Variants in TMEM242 observed in about 807,000 individuals in gnomAD.
The protein encoded by TMEM242 is transmembrane protein 242.
In TMEM242, 10 loss-of-function variants were observed where a neutral mutation model predicts 18.2. The ratio of observed to expected loss-of-function variants is 0.55; its 90% CI spans 0.34 to 0.93. TMEM242 has a LOEUF of 0.93. TMEM242 is among the 40% of genes least tolerant of loss of function. TMEM242 has a pLI of 0.02. For missense variants in TMEM242, 186 were observed against 175.5 expected (o/e 1.06, Z -0.34); for synonymous variants, 57 against 69.9 (o/e 0.81, Z 0.92).
intron 3 of TMEM242, among the ~76,000 whole-genome samples, chr6:157,311,283 C>T (rs1554248712): frequency 7.0e-6 from 1 of 143,492 alleles, no homozygotes; most frequent in Non-Finnish European, 1.5e-5. Context: ...CCCCCGTGTG[C>T]ACACACCGAG....
At chr6:157,312,529 AGTGT>A (rs2128416041) in intron 3 of TMEM242, among the ~76,000 whole-genome samples, 1 of 145,824 alleles carries the variant, frequency 6.9e-6, no homozygotes, top group East Asian at 2.0e-4. Context: ...ATACCGCCCC[AGTGT>A]GCACTCAGCT....
intron 3 of TMEM242, among the ~76,000 whole-genome samples, chr6:157,298,042 T>C (rs587645914): frequency 6.6e-6 from 1 of 152,314 alleles, no homozygotes; most frequent in Non-Finnish European, 1.5e-5. Flanking sequence ...CCCTGAAGTA[T>C]GCATCAAAAT....
At chr6:157,322,599 T>A (rs970071660) in intron 2 of TMEM242, 106 bp downstream of exon 2, 3 of 911,046 alleles carry the variant, frequency 3.3e-6, no homozygotes, top group Non-Finnish European at 1.7e-6. Context: ...TAAATTCACA[T>A]CTTAAAGCAA....
intron 3 of TMEM242, among the ~76,000 whole-genome samples, chr6:157,309,719 G>T (rs1777966552): frequency 6.6e-6 from 1 of 151,864 alleles, no homozygotes; most frequent in Non-Finnish European, 1.5e-5. Flanking sequence ...TGGCAAAGGG[G>T]TAAAAAAACA....
chr6:157,312,356 TGTCCCAGTGTGC>T (rs1778175382), intron 3 of TMEM242, among the ~76,000 whole-genome samples: 1 of 28,936 alleles, frequency 3.5e-5, no homozygotes, highest in Admixed American at 3.4e-4. Flanking sequence ...AGCCTCATCA[TGTCCCAGTGTGC>T]ACTCACCTGC....
intron 3 of TMEM242, among the ~76,000 whole-genome samples, chr6:157,307,578 C>CTCTG (rs1777932225): frequency 2.6e-5 from 4 of 152,144 alleles, no homozygotes; most frequent in African/African-American, 4.8e-5. Flanking sequence ...ACTGCTTGTC[C>CTCTG]ACATATGCAT....
intron 3 of TMEM242, among the ~76,000 whole-genome samples, chr6:157,297,208 G>A (rs587609821): frequency 6.6e-6 from 1 of 152,318 alleles, no homozygotes; most frequent in Admixed American, 6.5e-5. Flanking sequence ...TGTGCTCAGT[G>A]CCATGGCTGG....
chr6:157,310,953 C>T (rs1778029866), intron 3 of TMEM242, among the ~76,000 whole-genome samples: 1 of 152,156 alleles, frequency 6.6e-6, no homozygotes, highest in Admixed American at 6.5e-5. Context: ...CCCCAGTGTG[C>T]ACTCACCTGG....
chr6:157,302,826 C>T (rs1554247623), intron 3 of TMEM242, among the ~76,000 whole-genome samples: 2 of 152,216 alleles, frequency 1.3e-5, no homozygotes, highest in South Asian at 2.1e-4. Context: ...GGCAGGATTA[C>T]ACCTCAGTAC....
chr6:157,298,059 T>G (rs899004037), intron 3 of TMEM242, among the ~76,000 whole-genome samples: 2 of 152,230 alleles, frequency 1.3e-5, no homozygotes, highest in African/African-American at 2.4e-5. Flanking sequence ...AAATGGCCAA[T>G]TTTTATGACA....
chr6:157,320,126 C>A (rs1304183491), intron 2 of TMEM242, among the ~76,000 whole-genome samples: 36 of 152,190 alleles, frequency 2.4e-4, no homozygotes, highest in Non-Finnish European at 2.9e-5. Flanking sequence ...TCTCTGAGTT[C>A]TTCTACAAAC....
chr6:157,312,574 A>AACTGGCCTCATCATAGTGT (rs1778199949), intron 3 of TMEM242, among the ~76,000 whole-genome samples: 1 of 148,890 alleles, frequency 6.7e-6, no homozygotes, highest in Admixed American at 6.7e-5. Context: ...GTGTACGCTC[A>AACTGGCCTCATCATAGTGT]CCCGGCCTCA....
chr6:157,316,095 T>TA (rs1325537805), intron 3 of TMEM242, among the ~76,000 whole-genome samples: 9 of 152,258 alleles, frequency 5.9e-5, no homozygotes, highest in African/African-American at 2.2e-4. Flanking sequence ...TCAAATACCT[T>TA]AAAATTTTAC....
intron 3 of TMEM242, 103 bp downstream of exon 3, chr6:157,318,679 A>G: frequency 4.2e-6 from 6 of 1,426,994 alleles, no homozygotes; most frequent in South Asian, 2.5e-5. Context: ...CTCCCTAGAC[A>G]GTGACCAAAC....
At position 157,318,567 on chromosome 6, in the gene TMEM242, T is replaced by C. The variant is rs1583576835; in HGVS notation, c.327+215A>G. ...ACATTAGCTATAAATTAGTCATTAC[T>C]TAATTATATTTGAAGTTTTACCACC... is the stretch of plus-strand genomic sequence containing the variant. On this transcript the variant is annotated intron_variant, in intron 3 of 3. Transcript: ENST00000400788. 4 of 544,370 alleles carry C rather than the reference T, an allele frequency of 7.3e-6. No individual in the cohort carries two copies. In the East Asian group the frequency reaches 1.2e-4, roughly 17 times the overall value. The allele number at this position is 544,370 out of a possible 1,614,324, so 33.7% of individuals were successfully genotyped here.
At chr6:157,307,787 A>G (rs1400813017) in intron 3 of TMEM242, among the ~76,000 whole-genome samples, 1 of 152,180 alleles carries the variant, frequency 6.6e-6, no homozygotes, top group African/African-American at 2.4e-5. Context: ...AGTGTGACAC[A>G]TGGAACTACC....
At position 157,310,535 on chromosome 6, in the gene TMEM242, T is replaced by TACTGA; in HGVS notation, c.327+8246_327+8247insTCAGT. On this transcript the variant is annotated intron_variant, in intron 3 of 3. Coordinates refer to ENST00000400788, the MANE Select transcript of TMEM242 (RefSeq NM_018452.6). Reference sequence around the variant, plus strand: ...ACACTCACCTGGCCTCATCATGGTATCCCAGTGTGCGCTCACCTAGCCTCA... The same window carrying TACTGA: ...ACACTCACCTGGCCTCATCATGGTATACTGACCCAGTGTGCGCTCACCTAGCCTCA... Among the ~76,000 whole-genome samples, 3 of 3,034 alleles carry TACTGA rather than the reference T, an allele frequency of 9.9e-4. No individual in the cohort carries two copies. The Admixed American group carries it at 0.015, about 15-fold the overall frequency. The allele number at this position is 3,034 out of a possible 152,430, so 2.0% of individuals were successfully genotyped here.
intron 3 of TMEM242, among the ~76,000 whole-genome samples, chr6:157,294,944 G>A (rs919469581): frequency 6.6e-6 from 1 of 152,190 alleles, no homozygotes; most frequent in African/African-American, 2.4e-5. Flanking sequence ...AAAGAGTTGT[G>A]AGGATTAAGG....
At chr6:157,294,381 G>C (rs373642405) in intron 3 of TMEM242, among the ~76,000 whole-genome samples, 4,409 of 125,554 alleles carry the variant, frequency 0.035, 108 homozygotes, top group Admixed American at 0.057. Flanking sequence ...GACGGAGTCT[G>C]GCTCTGTCGC....
Sources: gnomAD v4.1 joint callset for allele counts (sites outside exome capture counted in the v4.1 genomes callset) on GRCh38, gnomAD v4.1.1 for gene constraint, MANE v1.5 for transcripts, NCBI Gene and HGNC (gene_info 2026-07-23, HGNC 2026-07-21) for gene names.